Variants in INO80 observed in about 807,000 individuals in gnomAD.
INO80 encodes INO80 complex ATPase subunit.
In INO80, 20 loss-of-function variants were observed where a neutral mutation model predicts 203.4. That is an observed-to-expected ratio of 0.10 (90% confidence interval 0.07 to 0.14). INO80 has a LOEUF of 0.14. Among genes scored for constraint, INO80 ranks in the 10% least tolerant of loss-of-function variants. The pLI, the probability that INO80 is intolerant of heterozygous loss-of-function variation, is 1.00. For synonymous variants in INO80, 726 were observed against 685.2 expected (o/e 1.06, Z -0.93); for missense variants, 1,419 against 1,914.4 (o/e 0.74, Z 4.83).
chr15:41,082,242 C>T (rs1454563644), intron 7 of INO80, among the ~76,000 whole-genome samples: 1 of 140,248 alleles, frequency 7.1e-6, no homozygotes, highest in Admixed American at 7.2e-5. Flanking sequence ...AAGAGCAAAA[C>T]TCCGTCTCAA....
At chr15:41,019,841 AC>A (rs1386035682) in intron 26 of INO80, among the ~76,000 whole-genome samples, 4 of 152,350 alleles carry the variant, frequency 2.6e-5, no homozygotes, top group Admixed American at 2.6e-4. Flanking sequence ...CAGGCCTTAC[AC>A]ACTGGAATCC....
chr15:41,113,471 T>A (rs544867186), intron 1 of INO80, among the ~76,000 whole-genome samples: 15 of 152,126 alleles, frequency 9.9e-5, no homozygotes, highest in African/African-American at 3.6e-4. Context: ...TTTAACCATG[T>A]TGGCCAGGCT....
chr15:41,094,815 C>T (rs1200430831), intron 4 of INO80, among the ~76,000 whole-genome samples: 2 of 152,094 alleles, frequency 1.3e-5, no homozygotes, highest in African/African-American at 4.8e-5. Context: ...GTTTTGAGCA[C>T]CAATAAGATG....
chr15:40,996,518 G>A (rs2043883749), intron 29 of INO80, among the ~76,000 whole-genome samples: 1 of 151,708 alleles, frequency 6.6e-6, no homozygotes, highest in Admixed American at 6.6e-5. Flanking sequence ...TAGAGACGTG[G>A]TTTCACCATG....
At chr15:41,023,215 CAAAT>C in intron 25 of INO80, 1 of 447,594 alleles carries the variant, frequency 2.2e-6, no homozygotes, top group Non-Finnish European at 4.5e-6. Context: ...CAAAAGAAAG[CAAAT>C]AAATACAGGA....
chr15:41,055,240 T>C lies in INO80; in HGVS notation c.2188+7A>G. On this transcript the variant is annotated splice_region_variant and intron_variant, in intron 18 of 35. Transcript: ENST00000648947. ...TAGATAGAAAGCCAGCTCATAACAG[T>C]ACTCACTCTCATCAATAGCAGATTT... 1 of 1,524,730 alleles carries C rather than the reference T, an allele frequency of 6.6e-7. No individual in the cohort carries two copies. Among genetic ancestry groups the C allele is most frequent in the South Asian group, 1.1e-5 (1 of 88,726 alleles). The allele number at this position is 1,524,730 out of a possible 1,614,324, so 94.5% of individuals were successfully genotyped here.
chr15:41,037,185 A>AC (rs1197337222), intron 24 of INO80, among the ~76,000 whole-genome samples: 2 of 151,906 alleles, frequency 1.3e-5, no homozygotes, highest in Non-Finnish European at 2.9e-5. Context: ...GAGAAAGAGA[A>AC]CCACTTAATA....
At chr15:40,991,531 CAATT>C (rs909725648) in intron 29 of INO80, among the ~76,000 whole-genome samples, 5 of 152,076 alleles carry the variant, frequency 3.3e-5, no homozygotes, top group African/African-American at 7.2e-5. Context: ...AAACAAGTAA[CAATT>C]AAAGGATTAG....
chr15:41,027,925 A>C, intron 24 of INO80, 189 bp from the exon 25 acceptor site: 1 of 392,396 alleles, frequency 2.5e-6, no homozygotes, highest in Non-Finnish European at 4.5e-6. Flanking sequence ...TAATTTCAAA[A>C]TGTGGTTTTA....
intron 1 of INO80, among the ~76,000 whole-genome samples, chr15:41,102,826 T>C (rs759553656): frequency 6.6e-6 from 1 of 152,212 alleles, no homozygotes; most frequent in Non-Finnish European, 1.5e-5. Flanking sequence ...CTCTATTTAA[T>C]AATCTTTGAA....
intron 30 of INO80, among the ~76,000 whole-genome samples, chr15:40,987,576 A>G (rs527817298): frequency 1.3e-5 from 2 of 152,240 alleles, no homozygotes; most frequent in Non-Finnish European, 2.9e-5. Flanking sequence ...CAGTCTCCAC[A>G]TGAACAACAG....
Position 41,049,983 on chromosome 15 carries a change from T to C in INO80, c.2394A>G (p.Ala798=). The change falls in exon 20 of 36, where the codon GCA becomes GCG. Residue 798 remains alanine (A), a synonymous_variant. Transcript: ENST00000648947. ...TCATGAGGCTGCTGGTGGTGTTCTG[T>C]GCTTGTTGGGTAGAGCCCATAGAAG... ...LQSSMGSTQQ[A]QNTTSSLMNL... is the part of the protein sequence containing the mutation. 2 of 1,614,188 alleles carry C rather than the reference T, an allele frequency of 1.2e-6. No homozygotes were observed. Among genetic ancestry groups the C allele is most frequent in the Non-Finnish European group, 1.7e-6 (2 of 1,180,016 alleles).
intron 27 of INO80, chr15:41,013,095 A>AACAACC (rs1461226097): frequency 2.6e-5 from 4 of 152,100 alleles, no homozygotes; most frequent in African/African-American, 9.7e-5. Context: ...CAACAACAAC[A>AACAACC]ACAACAACCA....
At chr15:40,990,751 T>C (rs1399216735) in intron 29 of INO80, among the ~76,000 whole-genome samples, 2 of 152,212 alleles carry the variant, frequency 1.3e-5, no homozygotes, top group African/African-American at 4.8e-5. Context: ...AGACCAAGTT[T>C]GAACTAGAAG....
chr15:41,107,278 G>A (rs1342498470), intron 1 of INO80, among the ~76,000 whole-genome samples: 1 of 151,356 alleles, frequency 6.6e-6, no homozygotes, highest in Non-Finnish European at 1.5e-5. Flanking sequence ...TTTGAGGCCA[G>A]GAGTTCAAGA....
intron 28 of INO80, chr15:40,999,134 G>A (rs1341212282): frequency 6.6e-6 from 1 of 152,130 alleles, no homozygotes; most frequent in African/African-American, 2.4e-5. Context: ...AATGTTTTGT[G>A]AAGTTTCAAA....
chr15:41,040,163 TAGTG>T (rs1271052032), intron 24 of INO80, among the ~76,000 whole-genome samples: 1 of 151,780 alleles, frequency 6.6e-6, no homozygotes, highest in African/African-American at 2.4e-5. Flanking sequence ...GGACACAACA[TAGTG>T]AGACCCTGCT....
chr15:41,027,825 C>T, intron 24 of INO80, 89 bp from the exon 25 acceptor site: 1 of 945,418 alleles, frequency 1.1e-6, no homozygotes, highest in Non-Finnish European at 1.5e-6. Context: ...AAACATCTAA[C>T]TTTAAGAGCT....
At chr15:40,988,439 A>C (rs1000263018) in intron 29 of INO80, among the ~76,000 whole-genome samples, 1 of 152,222 alleles carries the variant, frequency 6.6e-6, no homozygotes, top group African/African-American at 2.4e-5. Context: ...TTTATCCAAG[A>C]TCACATTGCT....
Sources: gnomAD v4.1 joint callset for allele counts (sites outside exome capture counted in the v4.1 genomes callset) on GRCh38, gnomAD v4.1.1 for gene constraint, MANE v1.5 for transcripts, NCBI Gene and HGNC (gene_info 2026-07-23, HGNC 2026-07-21) for gene names.